The following MCCC2 variants were observed in gnomAD, a reference collection of about 807,000 sequenced individuals.
MCCC2 encodes the protein methylcrotonoyl-CoA carboxylase beta chain, mitochondrial.
In MCCC2, 52 loss-of-function variants were observed where a neutral mutation model predicts 77.2. The observed-to-expected ratio is 0.67, with a 90% CI of 0.54 to 0.85. The LOEUF (loss-of-function observed/expected upper bound fraction) is 0.85, where lower values mean the gene tolerates loss of function less well. Ranked by LOEUF, MCCC2 falls within the 40% of genes least tolerant of loss-of-function variation. MCCC2 has a pLI of 0.00. For missense variants in MCCC2, 682 were observed against 703.2 expected (o/e 0.97, Z 0.34); for synonymous variants, 253 against 248.4 (o/e 1.02, Z -0.18).
intron 7 of MCCC2, among the ~76,000 whole-genome samples, chr5:71,627,821 G>A (rs1434725960): frequency 6.6e-6 from 1 of 150,904 alleles, no homozygotes; most frequent in African/African-American, 2.5e-5. Context: ...TAGTGATGTT[G>A]AGGCTTTTTT....
chr5:71,633,131 A>ATATATATATTTT (rs1554137344), intron 8 of MCCC2, among the ~76,000 whole-genome samples: 6 of 78,084 alleles, frequency 7.7e-5, no homozygotes, highest in African/African-American at 3.0e-4. Flanking sequence ...ATATATATAT[A>ATATATATATTTT]TTTTTATTTT....
At chr5:71,656,048 C>G (rs1747569870) in intron 16 of MCCC2, among the ~76,000 whole-genome samples, 2 of 152,148 alleles carry the variant, frequency 1.3e-5, no homozygotes, top group Non-Finnish European at 2.9e-5. Context: ...AACCCCGTCT[C>G]TTCTACAAAT....
intron 6 of MCCC2, among the ~76,000 whole-genome samples, chr5:71,605,760 G>A (rs1057333876): frequency 1.3e-4 from 20 of 152,004 alleles, no homozygotes; most frequent in Non-Finnish European, 2.6e-4. Context: ...TTTGTATAAG[G>A]TGTAAGGAAG....
At chr5:71,635,660 G>A in intron 10 of MCCC2, 1 of 342,934 alleles carries the variant, frequency 2.9e-6, no homozygotes, top group South Asian at 2.3e-5. Flanking sequence ...TATGACATTT[G>A]CAATGATTAG....
At chr5:71,630,553 T>C (rs989725735) in intron 7 of MCCC2, among the ~76,000 whole-genome samples, 1 of 152,186 alleles carries the variant, frequency 6.6e-6, no homozygotes, top group Non-Finnish European at 1.5e-5. Context: ...TTTTGCAACT[T>C]TAAATATCCA....
rs1355102697 is a variant in MCCC2, at chr5:71,649,184, C to G, written c.1304C>G (p.Pro435Arg). ...MVAAVACAQV[P>R]KITLIIGGSY... The stretch of plus-strand genomic sequence containing the variant: ...GCCGCTGTGGCCTGTGCCCAAGTGC[C>G]TAAGATAACCCTCATCATTGGGGGC... Residue 435 changes from proline (P) to arginine (R), a missense_variant, in exon 14 of 17, where the codon CCT (proline) becomes CGT (arginine). By Grantham distance (103) the Pro-to-Arg change is moderately radical (BLOSUM62 -2). Transcript: ENST00000340941. 6.2e-7 allele frequency: 1 copy of G among 1,614,202 alleles called. No individual in the cohort carries two copies. Among genetic ancestry groups the G allele is most frequent in the South Asian group, 1.1e-5 (1 of 91,080 alleles).
chr5:71,612,303 T>G (rs1168948727), intron 6 of MCCC2, among the ~76,000 whole-genome samples: 1 of 152,240 alleles, frequency 6.6e-6, no homozygotes, highest in Non-Finnish European at 1.5e-5. Flanking sequence ...ATTAATATTC[T>G]GATTAATCTA....
Position 71,656,787 on chromosome 5 carries a change from T to A in MCCC2, c.1619T>A (p.Val540Asp), listed in dbSNP as rs766384881. 4 of 1,614,188 alleles carry A rather than the reference T, an allele frequency of 2.5e-6. No homozygotes were observed. The Admixed American group carries it at 5.0e-5, about 20-fold the overall frequency. Reference protein sequence around the residue: ...GIIDPADTRLVLGLSFSAALN... With the variant: ...GIIDPADTRLDLGLSFSAALN... ...ATTGATCCAGCAGACACCAGACTGG[T>A]CTTGGGTCTCAGTTTTAGTGCAGCC... is the stretch of plus-strand genomic sequence containing the variant. The change falls in exon 17 of 17, where the codon GTC (valine) becomes GAC (aspartate). Residue 540 changes from valine (V) to aspartate (D), a missense_variant. Coordinates refer to ENST00000340941, the MANE Select transcript of MCCC2 (RefSeq NM_022132.5).
chr5:71,635,971 G>T (rs906691377), intron 10 of MCCC2: 8 of 170,614 alleles, frequency 4.7e-5, no homozygotes, highest in Non-Finnish European at 8.9e-5. Flanking sequence ...CTCTAGAGAA[G>T]GTGGCTAATA....
Position 71,587,419 on chromosome 5 carries a change from C to A in MCCC2, c.-7C>A. On this transcript the variant is annotated 5_prime_UTR_variant, in exon 1 of 17. Coordinates refer to ENST00000340941, the MANE Select transcript of MCCC2 (RefSeq NM_022132.5). ...GTGGGCCGCTCTCTCGCTCGGTGCCCGCCGCCATGTGGGCCGTCCTGAGGT... is the reference window on the plus strand; with the variant it reads ...GTGGGCCGCTCTCTCGCTCGGTGCCAGCCGCCATGTGGGCCGTCCTGAGGT... 2.6e-6 allele frequency: 4 copies of A among 1,533,736 alleles called. No homozygotes were observed. Among genetic ancestry groups the A allele is most frequent in the Non-Finnish European group, 3.5e-6 (4 of 1,145,998 alleles).
At chr5:71,611,588 C>CG in intron 6 of MCCC2, among the ~76,000 whole-genome samples, 1 of 152,046 alleles carries the variant, frequency 6.6e-6, no homozygotes, top group African/African-American at 2.4e-5. Context: ...ATAGTAGAAT[C>CG]AATATATGGC....
chr5:71,614,975 TTC>T (rs1746115090), intron 6 of MCCC2, among the ~76,000 whole-genome samples: 4 of 152,286 alleles, frequency 2.6e-5, no homozygotes, highest in African/African-American at 9.6e-5. Context: ...CTACATTTTT[TTC>T]CCCCTTTGAG....
chr5:71,598,851 A>G (rs1336896029), intron 3 of MCCC2, among the ~76,000 whole-genome samples: 1 of 152,060 alleles, frequency 6.6e-6, no homozygotes, highest in Non-Finnish European at 1.5e-5. Flanking sequence ...TCCTGGGCTC[A>G]AGTGATTCTT....
In MCCC2 at chr5:71,656,854, G is replaced by C. The variant is rs752240729; in HGVS notation, c.1686G>C (p.Arg562Ser). 1.2e-6 allele frequency: 2 copies of C among 1,609,798 alleles called. No individual in the cohort carries two copies. ...PIEKTDFGIF[R>S]M The stretch of plus-strand genomic sequence containing the variant: ...AGAAGACTGACTTCGGTATCTTCAG[G>C]ATGTAACTGGAATAAAGGATGTTTT... The change falls in exon 17 of 17, where the codon AGG (arginine) becomes AGC (serine). Residue 562 changes from arginine (R) to serine (S), a missense_variant. Transcript: ENST00000340941.
chr5:71,632,257 G>T, intron 8 of MCCC2, 72 bp downstream of exon 8: 1 of 1,463,618 alleles, frequency 6.8e-7, no homozygotes, highest in Non-Finnish European at 9.6e-7. Context: ...GAAGTTTTAC[G>T]TATTTGTTTC....
intron 11 of MCCC2, among the ~76,000 whole-genome samples, chr5:71,642,010 G>T (rs1205242764): frequency 3.3e-5 from 5 of 152,206 alleles, no homozygotes. Flanking sequence ...CAGTCATTGT[G>T]TAGCAGTTTA....
intron 6 of MCCC2, among the ~76,000 whole-genome samples, chr5:71,611,744 G>T (rs1188456996): frequency 6.6e-6 from 1 of 151,946 alleles, no homozygotes; most frequent in East Asian, 1.9e-4. Flanking sequence ...GAGGTAGGAG[G>T]TAGATAGGCG....
At chr5:71,649,970 C>A (rs914233578) in intron 14 of MCCC2, 99 bp from the exon 15 acceptor site, 1 of 874,682 alleles carries the variant, frequency 1.1e-6, no homozygotes, top group Admixed American at 2.0e-5. Flanking sequence ...AATGTGCAGC[C>A]AGAATCAGGA....
chr5:71,650,254 G>A (rs1015445203), intron 15 of MCCC2, 71 bp downstream of exon 15: 1 of 1,349,392 alleles, frequency 7.4e-7, no homozygotes, highest in Non-Finnish European at 1.1e-6. Flanking sequence ...CCAAGGAGCA[G>A]CGTGCCTGGA....
Sources: gnomAD v4.1 joint callset for allele counts (sites outside exome capture counted in the v4.1 genomes callset) on GRCh38, gnomAD v4.1.1 for gene constraint, MANE v1.5 for transcripts, NCBI Gene and HGNC (gene_info 2026-07-23, HGNC 2026-07-21) for gene names.